Variants in ARHGEF25 observed in about 807,000 individuals in gnomAD.
ARHGEF25 encodes Rho guanine nucleotide exchange factor 25, also known as RAC/CDC42 exchange factor.
A neutral mutation model predicts 74.0 loss-of-function variants in ARHGEF25; 42 were observed. The observed-to-expected ratio is 0.57, with a 90% confidence interval of 0.44 to 0.73. ARHGEF25 has a LOEUF of 0.73. ARHGEF25 is among the 30% of genes least tolerant of loss of function. ARHGEF25 has a pLI of 0.00. For synonymous variants in ARHGEF25, 293 were observed against 278.6 expected (o/e 1.05, Z -0.51); for missense variants, 645 against 725.5 (o/e 0.89, Z 1.27).
At chr12:57,612,702 T>A (rs943372292) in intron 1 of ARHGEF25, 3 of 1,421,532 alleles carry the variant, frequency 2.1e-6, no homozygotes, top group African/African-American at 2.8e-5. Context: ...CACATGTAAC[T>A]GGGGGTTCCA....
intron 14 of ARHGEF25, 105 bp from the exon 15 acceptor site, chr12:57,616,679 T>C: frequency 1.0e-6 from 1 of 989,482 alleles, no homozygotes; most frequent in Non-Finnish European, 1.5e-6. Flanking sequence ...CAGTCTAAGA[T>C]ATCTAGCAAG....
chr12:57,611,800 G>A lies in ARHGEF25; in HGVS notation c.-95G>A, dbSNP rs1205930415. The A allele has an allele frequency of 3.5e-5, 39 of 1,123,004 alleles. No individual in the cohort carries two copies. The highest frequency in any genetic ancestry group is 4.3e-5 in the Non-Finnish European group (38 of 893,658). 69.6% of individuals were successfully genotyped at this position (1,123,004 alleles called of 1,614,324 possible). Reference sequence around the variant, plus strand: ...ACAGCCTGGACCGGGGTAGGAGGGAGGGGGGGTGTGCGCCCGGCGCCGTCC... The same window carrying A: ...ACAGCCTGGACCGGGGTAGGAGGGAAGGGGGGTGTGCGCCCGGCGCCGTCC... On this transcript the variant is annotated 5_prime_UTR_variant, in exon 1 of 15. Transcript: ENST00000286494. The surrounding 1 kb of genome is among the most constrained non-coding windows in gnomAD (Gnocchi z 4.5).
At chr12:57,613,837 G>C in intron 5 of ARHGEF25, 77 bp downstream of exon 5, 1 of 1,565,494 alleles carries the variant, frequency 6.4e-7, no homozygotes, top group South Asian at 1.2e-5. Context: ...GAGGTGCCTG[G>C]GCGCTCCTCT....
At chr12:57,610,505 A>G (rs117150132), upstream of ARHGEF25, 30,407 of 1,370,740 alleles carry the variant, frequency 0.022, 456 homozygotes, top group Non-Finnish European at 0.026. Context: ...AGGTAGGAGA[A>G]GGGGAAGGGG....
At chr12:57,612,050 C>T (rs1884078880) in intron 1 of ARHGEF25, 59 bp downstream of exon 1, 17 of 1,236,736 alleles carry the variant, frequency 1.4e-5, no homozygotes, top group Non-Finnish European at 1.7e-5. Flanking sequence ...GGGTTCAGGG[C>T]ATCTGTTTGC....
Position 57,615,945 on chromosome 12 carries a change from G to T in ARHGEF25, c.1348G>T (p.Asp450Tyr). 1 of 1,614,192 alleles carries T rather than the reference G, an allele frequency of 6.2e-7. No homozygotes were observed. The highest frequency in any genetic ancestry group is 8.5e-7 in the Non-Finnish European group (1 of 1,180,022). ...CCAGCGCTATGTCCTGCAGGCTGCA[G>T]ACCCTGCTATCAGTCAGGCCTGGAT... Reference protein sequence around the residue: ...GIQRYVLQAADPAISQAWIKH... With the variant: ...GIQRYVLQAAYPAISQAWIKH... The change falls in exon 13 of 15, where the codon GAC becomes TAC. Residue 450 changes from aspartate to tyrosine, a missense_variant. Coordinates refer to ENST00000286494, the MANE Select transcript of ARHGEF25 (RefSeq NM_182947.4).
intron 13 of ARHGEF25, 30 bp from the exon 14 acceptor site, chr12:57,616,254 A>G (rs1884280767): frequency 1.9e-6 from 3 of 1,591,708 alleles, no homozygotes; most frequent in East Asian, 2.2e-5. Context: ...CTCTGCGGTA[A>G]CCCTCCTTCT....
Position 57,611,986 on chromosome 12 carries a change from G to A in ARHGEF25, c.92G>A (p.Gly31Glu). The change falls in exon 1 of 15, where the codon GGA becomes GAA. Residue 31 changes from glycine to glutamate, a missense_variant. By Grantham distance (98) the Gly-to-Glu change is moderately conservative. Transcript: ENST00000286494. The surrounding 1 kb of genome is among the most constrained non-coding windows in gnomAD (Gnocchi z 4.5). ...TGCGGCTGCTGCTTCGCCCGGGGGG[G>A]ACGTGGTGAGTGCCAGGTCGAGAGG... ...AKCGCCFARG[G>E]RESYSIAGSE... 1.5e-6 allele frequency: 2 copies of A among 1,307,418 alleles called. No homozygotes were observed. 81.0% of individuals were successfully genotyped at this position (1,307,418 alleles called of 1,614,324 possible).
Position 57,611,835 on chromosome 12 carries a change from C to A in ARHGEF25, c.-60C>A. On this transcript the variant is annotated 5_prime_UTR_variant, in exon 1 of 15. Coordinates refer to ENST00000286494, the MANE Select transcript of ARHGEF25 (RefSeq NM_182947.4). The surrounding 1 kb of genome is among the most constrained non-coding windows in gnomAD (Gnocchi z 4.5). The stretch of plus-strand genomic sequence containing the variant: ...GCGCCCGGCGCCGTCCCCGCCCCGC[C>A]CCCCGTGATTCCCCCTGCATGGCCG... 2 of 1,200,294 alleles carry A rather than the reference C, an allele frequency of 1.7e-6. No individual in the cohort carries two copies. Among genetic ancestry groups the A allele is most frequent in the Non-Finnish European group, 2.1e-6 (2 of 951,938 alleles). 74.4% of individuals were successfully genotyped at this position (1,200,294 alleles called of 1,614,324 possible).
chr12:57,616,818 C>G lies in ARHGEF25; in HGVS notation c.1667C>G (p.Ser556Cys). Reference protein sequence around the residue: ...LGDIPQAPHDSPPVSPTPKTP... With the variant: ...LGDIPQAPHDCPPVSPTPKTP... ...GACATCCCCCAGGCTCCCCATGACTCTCCTCCAGTCTCTCCAACTCCAAAA... is the reference window on the plus strand; with the variant it reads ...GACATCCCCCAGGCTCCCCATGACTGTCCTCCAGTCTCTCCAACTCCAAAA... Residue 556 changes from serine (S) to cysteine (C), a missense_variant, in exon 15 of 15, where the codon TCT becomes TGT. Ser to Cys is a moderately radical substitution (Grantham distance 112). This residue lies in a region of ARHGEF25 where 262 missense variants were observed against 256.9 expected (regional missense o/e 1.02). Coordinates refer to ENST00000286494, the MANE Select transcript of ARHGEF25 (RefSeq NM_182947.4). The G allele has an allele frequency of 1.2e-6, 2 of 1,613,928 alleles. No individual in the cohort carries two copies. Among genetic ancestry groups the G allele is most frequent in the Non-Finnish European group, 1.7e-6 (2 of 1,179,818 alleles).
At position 57,612,994 on chromosome 12, in the gene ARHGEF25, C is replaced by A. The variant is rs1199497280; in HGVS notation, c.162C>A (p.Ala54=). Residue 54 remains alanine, a synonymous_variant, in exon 2 of 15, where the codon GCC becomes GCA. Transcript: ENST00000286494. The part of the protein sequence containing the change: ...ISASAASGLA[A]PSGPSSGLSS... ...CTTCTGCTGCCTCCGGTCTGGCTGCCCCCTCTGGCCCCAGCTCTGGCCTCA... is the reference window on the plus strand; with the variant it reads ...CTTCTGCTGCCTCCGGTCTGGCTGCACCCTCTGGCCCCAGCTCTGGCCTCA... 1.9e-6 allele frequency: 3 copies of A among 1,614,178 alleles called. No homozygotes were observed. Among genetic ancestry groups the A allele is most frequent in the Admixed American group, 3.3e-5 (2 of 60,032 alleles).
chr12:57,610,231 C>T, upstream of ARHGEF25: 1 of 1,598,518 alleles, frequency 6.3e-7, no homozygotes, highest in Non-Finnish European at 8.5e-7. Context: ...AGCCCCCGGA[C>T]CGCCCCGCCC....
rs752300346 is a variant in ARHGEF25, at chr12:57,616,928, C to A, written c.*34C>A. 1 of 1,522,758 alleles carries A rather than the reference C, an allele frequency of 6.6e-7. No individual in the cohort carries two copies. The highest frequency in any genetic ancestry group is 9.1e-7 in the Non-Finnish European group (1 of 1,099,724). The allele number at this position is 1,522,758 out of a possible 1,614,324, so 94.3% of individuals were successfully genotyped here. A position where few individuals can be genotyped will look rare whatever the true frequency, so the allele number is the denominator to read the frequency against. ...AACCATGGGGGTGGTGCTGACTCAG[C>A]CGCCTATTCCCCAAGGAGCTTCAGG... On this transcript the variant is annotated 3_prime_UTR_variant, in exon 15 of 15. Coordinates refer to ENST00000286494, the MANE Select transcript of ARHGEF25 (RefSeq NM_182947.4).
chr12:57,616,859 G>A lies in ARHGEF25; in HGVS notation c.1708G>A (p.Ala570Thr), dbSNP rs779094951. 1.2e-6 allele frequency: 2 copies of A among 1,614,044 alleles called. No homozygotes were observed. Among genetic ancestry groups the A allele is most frequent in the East Asian group, 4.5e-5 (2 of 44,872 alleles). Residue 570 changes from alanine to threonine, a missense_variant, in exon 15 of 15, where the codon GCC becomes ACC. Ala to Thr is a moderately conservative substitution (Grantham distance 58). Around this residue, in one of 3 missense-constraint regions of ARHGEF25, gnomAD observed 262 missense variants for 256.9 expected, o/e 1.02. Transcript: ENST00000286494. ...SPTPKTPPCQ[A>T]RLAKLDEDEL ...AACTCCAAAAACCCCTCCCTGCCAAGCCAGACTTGCCAAGCTGGATGAAGA... is the reference window on the plus strand; with the variant it reads ...AACTCCAAAAACCCCTCCCTGCCAAACCAGACTTGCCAAGCTGGATGAAGA...
chr12:57,610,163 C>A, upstream of ARHGEF25: 1 of 1,048,338 alleles, frequency 9.5e-7, no homozygotes, highest in Non-Finnish European at 1.4e-6. Flanking sequence ...CTCAAAGCCC[C>A]CCAGCTTCAG....
upstream of ARHGEF25, chr12:57,610,637 A>C: frequency 6.2e-7 from 1 of 1,612,354 alleles, no homozygotes; most frequent in South Asian, 1.1e-5. Context: ...GAGGGAGATC[A>C]CAGAAGGGAT....
rs1565728910 is a variant in ARHGEF25 at position 57,616,511 on chromosome 12, C to G, written c.1632+16C>G. 3.1e-6 allele frequency: 5 copies of G among 1,609,726 alleles called. No homozygotes were observed. The highest frequency in any genetic ancestry group is 4.2e-6 in the Non-Finnish European group (5 of 1,177,516). The stretch of plus-strand genomic sequence containing the variant: ...GGATAAACAGGTATGACGAATAGAG[C>G]TCCCTCATTGTAGGGATAAAAAGGG... On this transcript the variant is annotated intron_variant, in intron 14 of 14. Transcript: ENST00000286494.
chr12:57,613,869 C>T (rs1884165466), intron 5 of ARHGEF25, 109 bp downstream of exon 5: 3 of 1,492,372 alleles, frequency 2.0e-6, no homozygotes, highest in Non-Finnish European at 2.8e-6. Flanking sequence ...CAAGCCTCCC[C>T]ACTCCTGGAC....
At chr12:57,611,397 A>T (rs1338152799), upstream of ARHGEF25, 1 of 977,000 alleles carries the variant, frequency 1.0e-6, no homozygotes, top group Non-Finnish European at 1.2e-6. The surrounding 1 kb of genome is among the most constrained non-coding windows in gnomAD (Gnocchi z 4.5). Context: ...TGGGCCGCAG[A>T]GGCCCCGCCT....
Sources: gnomAD v4.1 joint callset for allele counts on GRCh38, gnomAD v4.1.1 for gene constraint, gnomAD v4.1.1 regional missense constraint, Gnocchi (gnomAD v3.1) non-coding constraint, MANE v1.5 for transcripts, NCBI Gene and HGNC (gene_info 2026-07-23, HGNC 2026-07-21) for gene names.